ROBO1: variants seen among roughly 807,000 people sequenced by gnomAD.
ROBO1 encodes roundabout guidance receptor 1.
In ROBO1, 149 loss-of-function variants were observed where a neutral mutation model predicts 195.9. That is an observed-to-expected ratio of 0.76 (90% CI 0.67 to 0.87). The LOEUF (loss-of-function observed/expected upper bound fraction) is 0.87. Among genes scored for constraint, ROBO1 ranks in the 40% least tolerant of loss-of-function variants. The pLI is 0.00. For missense variants in ROBO1, 1,933 were observed against 2,068.3 expected (o/e 0.93, Z 1.27); for synonymous variants, 816 against 733.2 (o/e 1.11, Z -1.82).
intron 2 of ROBO1, among the ~76,000 whole-genome samples, chr3:79,190,811 T>C (rs1249686929): frequency 1.3e-5 from 2 of 151,690 alleles, no homozygotes; most frequent in African/African-American, 4.8e-5. Flanking sequence ...ATGCGGATTA[T>C]GTTCTTCAAT....
intron 3 of ROBO1, chr3:79,018,363 C>A: frequency 6.2e-7 from 1 of 1,610,268 alleles, no homozygotes; most frequent in Non-Finnish European, 8.5e-7. Context: ...GGAGAGGGGG[C>A]GAACAGGGAG....
intron 2 of ROBO1, among the ~76,000 whole-genome samples, chr3:79,333,463 T>C (rs1297000434): frequency 6.6e-6 from 1 of 152,128 alleles, no homozygotes; most frequent in East Asian, 1.9e-4. Context: ...TTATCAAGCA[T>C]GCGTAACCAT....
intron 1 of ROBO1, among the ~76,000 whole-genome samples, chr3:79,666,039 A>G (rs539849368): frequency 4.7e-4 from 71 of 152,062 alleles, no homozygotes; most frequent in African/African-American, 1.7e-3. Context: ...AAAATAAAAA[A>G]CATTAAATTT....
At chr3:79,571,804 T>C (rs1284845980) in intron 2 of ROBO1, among the ~76,000 whole-genome samples, 1 of 152,100 alleles carries the variant, frequency 6.6e-6, no homozygotes, top group Non-Finnish European at 1.5e-5. Flanking sequence ...CTATTTAACT[T>C]ACTTCTGGCA....
chr3:79,211,057 AG>A (rs2081958481), intron 2 of ROBO1, among the ~76,000 whole-genome samples: 1 of 152,172 alleles, frequency 6.6e-6, no homozygotes, highest in African/African-American at 2.4e-5. Flanking sequence ...AGAAAATTTG[AG>A]TATCTTGGTT....
chr3:78,798,714 C>G (rs577759762), intron 4 of ROBO1, among the ~76,000 whole-genome samples: 2 of 152,130 alleles, frequency 1.3e-5, no homozygotes, highest in South Asian at 4.1e-4. Flanking sequence ...ACAGACATGT[C>G]AAAACATCAA....
At chr3:79,556,901 T>C (rs1009369162) in intron 2 of ROBO1, among the ~76,000 whole-genome samples, 2 of 151,462 alleles carry the variant, frequency 1.3e-5, no homozygotes, top group African/African-American at 4.8e-5. Flanking sequence ...GCAATTTTTA[T>C]TTTTTAAAAT....
intron 4 of ROBO1, among the ~76,000 whole-genome samples, chr3:78,846,901 C>A (rs2033705517): frequency 6.6e-6 from 1 of 152,174 alleles, no homozygotes; most frequent in Non-Finnish European, 1.5e-5. Context: ...TAGCCTCAGA[C>A]TAGCAGCTGA....
chr3:79,555,342 A>G (rs1256053975), intron 2 of ROBO1, among the ~76,000 whole-genome samples: 3 of 152,106 alleles, frequency 2.0e-5, no homozygotes, highest in African/African-American at 7.2e-5. Context: ...CAGGAAAGTT[A>G]CCGATTCCTG....
chr3:79,762,119 G>T (rs577885893), intron 1 of ROBO1, among the ~76,000 whole-genome samples: 1 of 152,256 alleles, frequency 6.6e-6, no homozygotes, highest in South Asian at 2.1e-4. Flanking sequence ...TAGGTGCCTT[G>T]TAAACAATAG....
intron 2 of ROBO1, among the ~76,000 whole-genome samples, chr3:79,521,739 A>G (rs954431819): frequency 6.6e-6 from 1 of 151,942 alleles, no homozygotes; most frequent in African/African-American, 2.4e-5. Context: ...ACCACCCCCC[A>G]CCCACACACA....
intron 11 of ROBO1, among the ~76,000 whole-genome samples, chr3:78,669,136 G>A (rs534802222): frequency 2.0e-5 from 3 of 152,190 alleles, no homozygotes; most frequent in African/African-American, 4.8e-5. Context: ...GAACACTCTC[G>A]CTCCCTTTTA....
At chr3:79,148,130 C>T (rs1012421035) in intron 2 of ROBO1, among the ~76,000 whole-genome samples, 12 of 151,818 alleles carry the variant, frequency 7.9e-5, no homozygotes, top group Non-Finnish European at 1.2e-4. Flanking sequence ...TTTGATTCCT[C>T]CCTCTTCTTT....
At chr3:79,038,553 G>A (rs2078423298) in intron 3 of ROBO1, among the ~76,000 whole-genome samples, 1 of 152,086 alleles carries the variant, frequency 6.6e-6, no homozygotes, top group African/African-American at 2.4e-5. Flanking sequence ...CAAAGGTGAA[G>A]TAAACTTCTA....
At chr3:78,885,412 TAAAAAA>T (rs59912706) in intron 4 of ROBO1, among the ~76,000 whole-genome samples, 6 of 53,676 alleles carry the variant, frequency 1.1e-4, no homozygotes, top group Non-Finnish European at 1.9e-4. Context: ...AATTTAAAAC[TAAAAAA>T]AAAAAAAAAA....
chr3:79,128,646 C>A (rs1301128063), intron 2 of ROBO1, among the ~76,000 whole-genome samples: 1 of 152,050 alleles, frequency 6.6e-6, no homozygotes, highest in Non-Finnish European at 1.5e-5. Context: ...AAAAGGAAGT[C>A]TTGAATCATA....
intron 2 of ROBO1, among the ~76,000 whole-genome samples, chr3:79,370,695 C>G (rs905900090): frequency 2.6e-5 from 4 of 151,220 alleles, no homozygotes; most frequent in Non-Finnish European, 4.4e-5. Context: ...TATTTAAGTT[C>G]TGGGCTAAAT....
At chr3:79,486,513 T>C (rs1302281430) in intron 2 of ROBO1, among the ~76,000 whole-genome samples, 1 of 152,122 alleles carries the variant, frequency 6.6e-6, no homozygotes, top group Non-Finnish European at 1.5e-5. Context: ...CACCTCTCTA[T>C]CCCCAAGAAA....
chr3:78,680,601 A>G (rs913395472), intron 10 of ROBO1, among the ~76,000 whole-genome samples: 2 of 151,828 alleles, frequency 1.3e-5, no homozygotes, highest in South Asian at 2.1e-4. Flanking sequence ...ATCACTGGCC[A>G]TCAGAGAAAT....
Sources: gnomAD v4.1 joint callset for allele counts (sites outside exome capture counted in the v4.1 genomes callset) on GRCh38, gnomAD v4.1.1 for gene constraint, MANE v1.5 for transcripts, NCBI Gene and HGNC (gene_info 2026-07-23, HGNC 2026-07-21) for gene names.